DPP6: variants seen among roughly 807,000 people sequenced by gnomAD.
DPP6 encodes A-type potassium channel modulatory protein DPP6.
A neutral mutation model predicts 122.6 loss-of-function variants in DPP6; 69 were observed. That is an observed-to-expected ratio of 0.56 (90% CI 0.46 to 0.69). The LOEUF is 0.69. Among genes scored for constraint, DPP6 ranks in the 30% least tolerant of loss-of-function variants. DPP6 has a pLI of 0.00. For synonymous variants in DPP6, 418 were observed against 433.1 expected (o/e 0.97, Z 0.43); for missense variants, 928 against 1,116.9 (o/e 0.83, Z 2.41).
At chr7:153,996,728 C>T (rs1797455431) in intron 1 of DPP6, among the ~76,000 whole-genome samples, 1 of 152,190 alleles carries the variant, frequency 6.6e-6, no homozygotes, top group African/African-American at 2.4e-5. Context: ...TTTAAATCGT[C>T]TCCAATAGTG....
chr7:154,564,817 G>A (rs1289197768), intron 4 of DPP6, among the ~76,000 whole-genome samples: 3 of 152,256 alleles, frequency 2.0e-5, no homozygotes, highest in Middle Eastern at 3.4e-3. Flanking sequence ...CAGAAGATTC[G>A]AGTTGTCCAA....
chr7:154,417,282 A>G (rs1263290184), intron 1 of DPP6, among the ~76,000 whole-genome samples: 1 of 152,204 alleles, frequency 6.6e-6, no homozygotes, highest in African/African-American at 2.4e-5. Flanking sequence ...ATTTTCATCT[A>G]CATGAAACTC....
At chr7:153,989,591 GT>G (rs1419629359) in intron 1 of DPP6, among the ~76,000 whole-genome samples, 2 of 151,988 alleles carry the variant, frequency 1.3e-5, no homozygotes, top group African/African-American at 2.4e-5. Flanking sequence ...CCCAGCTGCG[GT>G]CCAGGGAGGA....
At chr7:154,353,007 T>C (rs949174312) in intron 1 of DPP6, among the ~76,000 whole-genome samples, 2 of 152,216 alleles carry the variant, frequency 1.3e-5, no homozygotes, top group Non-Finnish European at 2.9e-5. Context: ...ATCTCAGCAA[T>C]ATGAGGCCAG....
At chr7:154,472,935 C>T (rs1326017127) in intron 2 of DPP6, among the ~76,000 whole-genome samples, 2 of 152,076 alleles carry the variant, frequency 1.3e-5, no homozygotes, top group Non-Finnish European at 2.9e-5. Context: ...AAATAAAATA[C>T]ATGTATAGAA....
intron 1 of DPP6, among the ~76,000 whole-genome samples, chr7:154,329,269 T>C (rs1299098770): frequency 6.6e-6 from 1 of 152,260 alleles, no homozygotes; most frequent in African/African-American, 2.4e-5. Context: ...ATGGTGGAAT[T>C]GTGTTGCATC....
At chr7:154,373,428 T>C (rs1812844923) in intron 1 of DPP6, among the ~76,000 whole-genome samples, 1 of 152,234 alleles carries the variant, frequency 6.6e-6, no homozygotes, top group South Asian at 2.1e-4. Context: ...GCCATCTCTG[T>C]GAACGGGCTC....
chr7:154,577,083 G>T (rs1831729811), intron 5 of DPP6, among the ~76,000 whole-genome samples: 1 of 152,038 alleles, frequency 6.6e-6, no homozygotes, highest in African/African-American at 2.4e-5. Context: ...TGAAGGACGG[G>T]TCAAGGGCTG....
At chr7:154,609,307 A>T (rs1387191) in intron 5 of DPP6, among the ~76,000 whole-genome samples, 61,499 of 152,130 alleles carry the variant, frequency 0.4, 13,448 homozygotes, top group East Asian at 0.65. Flanking sequence ...TGAGCCCTGC[A>T]ATATAACCAT....
chr7:154,378,052 C>T (rs1202437614), intron 1 of DPP6, among the ~76,000 whole-genome samples: 1 of 152,166 alleles, frequency 6.6e-6, no homozygotes, highest in Non-Finnish European at 1.5e-5. Context: ...TGTAAATAAA[C>T]TTACTGGCAT....
At chr7:154,462,805 C>T (rs1030624023) in intron 2 of DPP6, among the ~76,000 whole-genome samples, 3 of 130,564 alleles carry the variant, frequency 2.3e-5, no homozygotes, top group African/African-American at 5.6e-5. Flanking sequence ...CCCCCCTCCC[C>T]CCACCCCACA....
At chr7:153,793,106 T>G in the DPP6 span, among the ~76,000 whole-genome samples, 494 of 152,154 alleles carry the variant, frequency 3.2e-3, 3 homozygotes, top group African/African-American at 0.011. Flanking sequence ...TACCAGTACA[T>G]TGGGGCATTG....
intron 16 of DPP6, among the ~76,000 whole-genome samples, chr7:154,815,548 C>T (rs1799372017): frequency 6.6e-6 from 1 of 152,242 alleles, no homozygotes; most frequent in Non-Finnish European, 1.5e-5. Flanking sequence ...GAAAACGACT[C>T]AATCAATCCT....
At chr7:154,633,874 G>T (rs890465726) in intron 5 of DPP6, among the ~76,000 whole-genome samples, 1 of 152,086 alleles carries the variant, frequency 6.6e-6, no homozygotes, top group African/African-American at 2.4e-5. Context: ...GCACTTCCAC[G>T]CTGAAGCCTT....
chr7:154,831,796 A>G (rs1800651304), intron 16 of DPP6, among the ~76,000 whole-genome samples: 2 of 152,176 alleles, frequency 1.3e-5, no homozygotes, highest in Non-Finnish European at 1.5e-5. Flanking sequence ...TCAAACCCAC[A>G]TCTGCGCCTC....
intron 1 of DPP6, among the ~76,000 whole-genome samples, chr7:154,205,319 G>A (rs1799384587): frequency 6.6e-6 from 1 of 152,092 alleles, no homozygotes; most frequent in Non-Finnish European, 1.5e-5. Context: ...GACCCCTCCT[G>A]TTGTCTTTAT....
At chr7:154,636,482 A>G (rs1003034467) in intron 5 of DPP6, among the ~76,000 whole-genome samples, 1 of 152,238 alleles carries the variant, frequency 6.6e-6, no homozygotes, top group Non-Finnish European at 1.5e-5. Flanking sequence ...TAGCAGCTCC[A>G]TAAAGCTCTC....
chr7:153,836,348 G>T, the DPP6 span, among the ~76,000 whole-genome samples: 1 of 152,144 alleles, frequency 6.6e-6, no homozygotes, highest in Non-Finnish European at 1.5e-5. Flanking sequence ...TACGTGGGGT[G>T]GGGGTACAGG....
intron 1 of DPP6, among the ~76,000 whole-genome samples, chr7:154,171,013 C>T (rs193213165): frequency 4.4e-4 from 67 of 152,302 alleles, no homozygotes; most frequent in Non-Finnish European, 6.8e-4. Flanking sequence ...TCTCTTCCTG[C>T]TGCTCGCTGG....
Sources: gnomAD v4.1 joint callset for allele counts (sites outside exome capture counted in the v4.1 genomes callset) on GRCh38, gnomAD v4.1.1 for gene constraint, MANE v1.5 for transcripts, NCBI Gene and HGNC (gene_info 2026-07-23, HGNC 2026-07-21) for gene names.